The following PRELID2 variants were observed in gnomAD, a reference collection of about 807,000 sequenced individuals.
PRELID2 encodes the protein PRELI domain-containing protein 2.
PRELID2 carries 25 observed loss-of-function variants against 28.4 expected under a neutral mutation model. The observed-to-expected ratio is 0.88, with a 90% CI of 0.64 to 1.23. The LOEUF (loss-of-function observed/expected upper bound fraction) is 1.23. PRELID2 is among the 50% of genes most tolerant of loss of function. The pLI, the probability that PRELID2 is intolerant of heterozygous loss-of-function variation, is 0.00. For synonymous variants in PRELID2, 76 were observed against 71.6 expected, an observed-to-expected ratio of 1.06 and a Z score of -0.31; for missense variants, 201 against 214.4, an observed-to-expected ratio of 0.94 and a Z score of 0.39.
chr5:145,240,029 A>G, the PRELID2 span, among the ~76,000 whole-genome samples: 1 of 151,908 alleles, frequency 6.6e-6, no homozygotes, highest in Non-Finnish European at 1.5e-5. Context: ...CTCCCTCCTA[A>G]ATAAGTTCTT....
the PRELID2 span, among the ~76,000 whole-genome samples, chr5:145,371,518 T>A: frequency 1.3e-5 from 2 of 152,074 alleles, no homozygotes; most frequent in Non-Finnish European, 2.9e-5. Flanking sequence ...TTTGCCAGTA[T>A]TTTATTGAGG....
At chr5:145,406,308 C>T in the PRELID2 span, among the ~76,000 whole-genome samples, 13 of 152,140 alleles carry the variant, frequency 8.5e-5, no homozygotes, top group Non-Finnish European at 1.5e-4. Flanking sequence ...TACCCTTCTA[C>T]AGAAACTGGG....
At chr5:145,388,812 C>T in the PRELID2 span, among the ~76,000 whole-genome samples, 1 of 152,068 alleles carries the variant, frequency 6.6e-6, no homozygotes, top group South Asian at 2.1e-4. Flanking sequence ...TCTGGACCAC[C>T]CAATTTAAAG....
chr5:145,666,018 A>G lies in PRELID2; in HGVS notation n.70+98913T>C, dbSNP rs187864504. ...AAAAAAAAAAGAAAGAAAGAAAGAA[A>G]GTACTATTTATTCTCTTATGTTAAC... On this transcript the variant is annotated intron_variant and non_coding_transcript_variant, in intron 1 of 2. Coordinates refer to the PRELID2 transcript ENST00000510259. 6.6e-5 allele frequency among the ~76,000 whole-genome samples: 10 copies of G among 151,672 alleles called. No individual in the cohort carries two copies. The East Asian group carries it at 1.6e-3, about 24-fold the overall frequency.
intron 1 of PRELID2, among the ~76,000 whole-genome samples, chr5:145,697,092 C>CAT (rs372490902): frequency 2.4e-5 from 3 of 123,956 alleles, no homozygotes; most frequent in Middle Eastern, 4.2e-3. Context: ...CACACACACA[C>CAT]ATATATATAT....
downstream of PRELID2, among the ~76,000 whole-genome samples, chr5:145,468,585 T>C (rs1375419660): frequency 2.6e-5 from 4 of 152,182 alleles, no homozygotes; most frequent in Non-Finnish European, 4.4e-5. Context: ...ACCTGCTGTT[T>C]CCTGACTTTT....
the PRELID2 span, among the ~76,000 whole-genome samples, chr5:145,443,703 G>A: frequency 6.6e-6 from 1 of 151,936 alleles, no homozygotes; most frequent in Non-Finnish European, 1.5e-5. Context: ...TCCCTCCTTT[G>A]AGCTCTCAAA....
intron 1 of PRELID2, among the ~76,000 whole-genome samples, chr5:145,551,882 A>G (rs1205696048): frequency 6.6e-6 from 1 of 152,164 alleles, no homozygotes; most frequent in Non-Finnish European, 1.5e-5. Flanking sequence ...TGGCAGGAGC[A>G]GGGACACAGC....
At chr5:145,811,363 A>C (rs1000949302) in intron 4 of PRELID2, among the ~76,000 whole-genome samples, 1 of 152,046 alleles carries the variant, frequency 6.6e-6, no homozygotes, top group Non-Finnish European at 1.5e-5. Flanking sequence ...ATCACAGCTC[A>C]CCGTAACCTT....
At chr5:145,598,897 T>C (rs557560330) in intron 1 of PRELID2, among the ~76,000 whole-genome samples, 94 of 152,306 alleles carry the variant, frequency 6.2e-4, no homozygotes, top group African/African-American at 2.2e-3. Flanking sequence ...GAGATGACTG[T>C]TAAGCTAAAT....
chr5:145,623,453 AAAAT>A (rs1354004684), intron 1 of PRELID2, among the ~76,000 whole-genome samples: 19 of 150,346 alleles, frequency 1.3e-4, no homozygotes, highest in South Asian at 2.1e-4. Context: ...TTCTCAAAAA[AAAAT>A]AAATAAATAA....
rs1208073564 is a variant in PRELID2, at chr5:145,741,299, TATAA to T, written n.70+23628_70+23631del. Among the ~76,000 whole-genome samples the T allele has an allele frequency of 1.1e-4, 11 of 100,628 alleles. No individual in the cohort carries two copies. In the East Asian group the frequency reaches 2.5e-3, roughly 23 times the overall value. The allele number at this position is 100,628 out of a possible 152,430, so 66.0% of individuals were successfully genotyped here. ...TTTATGTATATATAAATAAATTATA[TATAA>T]ATAATTTATTTATAAATAAATTATT... On this transcript the variant is annotated intron_variant and non_coding_transcript_variant, in intron 1 of 2. Transcript: ENST00000510259.
intron 1 of PRELID2, among the ~76,000 whole-genome samples, chr5:145,616,669 A>G (rs1753703142): frequency 6.6e-6 from 1 of 152,202 alleles, no homozygotes; most frequent in Non-Finnish European, 1.5e-5. Flanking sequence ...GTGCTTCACA[A>G]GGTAATAGAA....
At chr5:145,577,755 A>C (rs1486391168) in intron 1 of PRELID2, among the ~76,000 whole-genome samples, 1 of 152,122 alleles carries the variant, frequency 6.6e-6, no homozygotes, top group African/African-American at 2.4e-5. Flanking sequence ...TTTTAATGGA[A>C]CTTTGAATTT....
chr5:145,286,696 G>GTTTTTTTTT, the PRELID2 span, among the ~76,000 whole-genome samples: 4 of 116,988 alleles, frequency 3.4e-5, no homozygotes, highest in African/African-American at 1.2e-4. Flanking sequence ...CAACATAGAA[G>GTTTTTTTTT]TTTTTGTTTT....
chr5:145,425,975 T>G, the PRELID2 span, among the ~76,000 whole-genome samples: 1 of 152,066 alleles, frequency 6.6e-6, no homozygotes, highest in Admixed American at 6.6e-5. Flanking sequence ...TCATCATCAT[T>G]ATTATTATTT....
chr5:145,310,888 A>C, the PRELID2 span, among the ~76,000 whole-genome samples: 1 of 152,042 alleles, frequency 6.6e-6, no homozygotes, highest in Admixed American at 6.6e-5. Context: ...CTAAATAAAA[A>C]TTCCAATCTT....
intron 5 of PRELID2, among the ~76,000 whole-genome samples, chr5:145,793,288 A>C (rs1031789216): frequency 2.6e-5 from 4 of 152,138 alleles, no homozygotes; most frequent in Admixed American, 2.6e-4. Context: ...AAAAATATAA[A>C]GTTTGTGAGT....
intron 1 of PRELID2, among the ~76,000 whole-genome samples, chr5:145,683,894 A>G (rs762298984): frequency 6.6e-6 from 1 of 152,104 alleles, no homozygotes; most frequent in Non-Finnish European, 1.5e-5. Context: ...CACATTGCTT[A>G]TTGGTATTAT....
Sources: allele counts gnomAD v4.1 joint callset (sites outside exome capture counted in the v4.1 genomes callset), GRCh38; gene constraint gnomAD v4.1.1; transcripts MANE v1.5; gene names NCBI Gene and HGNC (gene_info 2026-07-23, HGNC 2026-07-21).